The following LMBRD2 variants were observed in gnomAD, a reference collection of about 807,000 sequenced individuals.
The protein encoded by LMBRD2 is G protein-coupled receptor-associated protein LMBRD2.
Under a neutral mutation model 94.4 loss-of-function variants are expected in LMBRD2, and 55 were observed. That is an observed-to-expected ratio of 0.58 (90% confidence interval 0.47 to 0.73). LMBRD2 has a LOEUF of 0.73. Among genes scored for constraint, LMBRD2 ranks in the 30% least tolerant of loss-of-function variants. The pLI, the probability that LMBRD2 is intolerant of heterozygous loss-of-function variation, is 0.00. For synonymous variants in LMBRD2, 246 were observed against 272.4 expected, an observed-to-expected ratio of 0.90 and a Z score of 0.95; for missense variants, 640 against 831.9, an observed-to-expected ratio of 0.77 and a Z score of 2.84.
intron 6 of LMBRD2, among the ~76,000 whole-genome samples, chr5:36,130,914 A>C (rs1282013851): frequency 6.6e-6 from 1 of 152,188 alleles, no homozygotes; most frequent in Admixed American, 6.5e-5. Flanking sequence ...CAAACATTTA[A>C]AGAACTAACA....
At chr5:36,145,184 A>G (rs1392924759) in intron 1 of LMBRD2, among the ~76,000 whole-genome samples, 1 of 152,210 alleles carries the variant, frequency 6.6e-6, no homozygotes, top group African/African-American at 2.4e-5. Context: ...ATTTGTTGAA[A>G]TAATAAAAAA....
rs374319258 is a variant in LMBRD2 at position 36,137,248 on chromosome 5, A to G, written c.536+26T>C. 6.2e-6 allele frequency: 9 copies of G among 1,442,582 alleles called. No individual in the cohort carries two copies. In the African/African-American group the frequency reaches 9.9e-5, roughly 16 times the overall value. The allele number at this position is 1,442,582 out of a possible 1,614,324, so 89.4% of individuals were successfully genotyped here. A position where few individuals can be genotyped will look rare whatever the true frequency, so the allele number is the denominator to read the frequency against. ...TAAAAATGCAAACATACATTAAAGC[A>G]ATGTTAAGAAGACTACTTTTCTTAC... is the stretch of plus-strand genomic sequence containing the variant. On this transcript the variant is annotated intron_variant, in intron 5 of 17. Transcript: ENST00000296603.
At chr5:36,148,299 T>G (rs1361541063) in intron 1 of LMBRD2, among the ~76,000 whole-genome samples, 2 of 150,188 alleles carry the variant, frequency 1.3e-5, no homozygotes, top group African/African-American at 4.9e-5. Flanking sequence ...AAGAGCTGAG[T>G]TGGCGAACCA....
At position 36,120,986 on chromosome 5, in the gene LMBRD2, A is replaced by G. The variant is rs150023300; in HGVS notation, c.1120+1294T>C. Among the ~76,000 whole-genome samples, 60 of 151,066 alleles carry G rather than the reference A, an allele frequency of 4.0e-4. 1 individual carries two copies. The East Asian group carries it at 0.011, about 28-fold the overall frequency. On this transcript the variant is annotated intron_variant, in intron 9 of 17. Coordinates refer to ENST00000296603, the MANE Select transcript of LMBRD2 (RefSeq NM_001007527.2). ...GTCCTCAGACTTTTCTCTTTTCTCT[A>G]TCTCAATTACTTCTTTATTGATTTT...
At position 36,102,699 on chromosome 5, in the gene LMBRD2, G is replaced by A. The variant is rs1019339316; in HGVS notation, c.*1347C>T. The A allele has an allele frequency of 6.6e-6, 1 of 151,622 alleles. No homozygotes were observed. The highest frequency in any genetic ancestry group is 6.6e-5 in the Admixed American group (1 of 15,194). 9.4% of individuals were successfully genotyped at this position (151,622 alleles called of 1,614,324 possible). A position where few individuals can be genotyped will look rare whatever the true frequency, so the allele number is the denominator to read the frequency against. ...ATAAAAATAAAAATTTTAAATTTATGTCTTGGGGAAAGATTAACTTCAAGT... is the reference window on the plus strand; with the variant it reads ...ATAAAAATAAAAATTTTAAATTTATATCTTGGGGAAAGATTAACTTCAAGT... On this transcript the variant is annotated 3_prime_UTR_variant, in exon 18 of 18. Coordinates refer to ENST00000296603, the MANE Select transcript of LMBRD2 (RefSeq NM_001007527.2).
At chr5:36,140,415 C>G (rs553675715) in intron 4 of LMBRD2, among the ~76,000 whole-genome samples, 2 of 152,162 alleles carry the variant, frequency 1.3e-5, no homozygotes, top group Admixed American at 1.3e-4. Flanking sequence ...ATAAGCCCAG[C>G]GGGCCTGAGT....
At position 36,141,181 on chromosome 5, in the gene LMBRD2, T is replaced by C. The variant is rs766091737; in HGVS notation, c.294A>G (p.Pro98=). 2.5e-6 allele frequency: 4 copies of C among 1,609,810 alleles called. No individual in the cohort carries two copies. The African/African-American group carries it at 4.0e-5, about 16-fold the overall frequency. Residue 98 remains proline (P), a synonymous_variant, in exon 4 of 18, where the codon CCA becomes CCG. Coordinates refer to ENST00000296603, the MANE Select transcript of LMBRD2 (RefSeq NM_001007527.2). ...TGATTCCATCAGGAATGTAACTCCA[T>C]GGCTTGAAACAAGGATGCTGGCTGT... is the stretch of plus-strand genomic sequence containing the variant. ...PVPSQHPCFK[P]WSYIPDGIMP... is the part of the protein sequence containing the mutation.
In LMBRD2 at chr5:36,115,080, A is replaced by G; in HGVS notation, c.1477T>C (p.Leu493=). The G allele has an allele frequency of 3.7e-6, 6 of 1,612,304 alleles. No individual in the cohort carries two copies. Among genetic ancestry groups the G allele is most frequent in the Non-Finnish European group, 5.1e-6 (6 of 1,179,052 alleles). ...RLTPPLCLNF[L]GLTHMDSSIS... Reference sequence around the variant, plus strand: ...GATGAATCCATATGGGTCAAACCCAAGAAATTAAGACATAAAGGAGGTGTC... The same window carrying G: ...GATGAATCCATATGGGTCAAACCCAGGAAATTAAGACATAAAGGAGGTGTC... Residue 493 remains leucine, a synonymous_variant, in exon 12 of 18, where the codon TTG becomes CTG. Coordinates refer to ENST00000296603, the MANE Select transcript of LMBRD2 (RefSeq NM_001007527.2).
rs763502496 is a variant in LMBRD2, at chr5:36,141,133, C to G, written c.342G>C (p.Val114=). The G allele has an allele frequency of 5.6e-6, 9 of 1,607,628 alleles. No individual in the cohort carries two copies. Among genetic ancestry groups the G allele is most frequent in the Non-Finnish European group, 7.7e-6 (9 of 1,174,702 alleles). The change falls in exon 4 of 18, where the codon GTG becomes GTC. Residue 114 remains valine (V), a synonymous_variant. Coordinates refer to ENST00000296603, the MANE Select transcript of LMBRD2 (RefSeq NM_001007527.2). The stretch of plus-strand genomic sequence containing the variant: ...ATGTTAAAAATTGTGACGTCCAATA[C>G]ACTACCCTCCAGAAAATTGGCATGA... ...DGIMPIFWRV[V]YWTSQFLTWI...
chr5:36,108,148 T>C (rs1743516236), intron 16 of LMBRD2, among the ~76,000 whole-genome samples: 1 of 152,118 alleles, frequency 6.6e-6, no homozygotes, highest in South Asian at 2.1e-4. Context: ...GGAATATGCC[T>C]AACTTATATG....
Position 36,143,233 on chromosome 5 carries a change from C to T in LMBRD2, c.117G>A (p.Leu39=). ...TAAGAAAGCAGAGATACCAAGCAAG[C>T]AGTGTTCCAATAATCACAAGTCTAT... ...KQHRLVIIGT[L]LAWYLCFLIV... is the part of the protein sequence containing the mutation. Residue 39 remains leucine, a synonymous_variant, in exon 2 of 18, where the codon CTG becomes CTA. Coordinates refer to ENST00000296603, the MANE Select transcript of LMBRD2 (RefSeq NM_001007527.2). The T allele has an allele frequency of 6.2e-7, 1 of 1,612,802 alleles. No homozygotes were observed. The highest frequency in any genetic ancestry group is 1.7e-5 in the Admixed American group (1 of 59,996).
chr5:36,122,262 T>G lies in LMBRD2; in HGVS notation c.1120+18A>C, dbSNP rs764937005. On this transcript the variant is annotated intron_variant, in intron 9 of 17. Coordinates refer to ENST00000296603, the MANE Select transcript of LMBRD2 (RefSeq NM_001007527.2). ...ACTTTTCATCATTAAAGTTTGAAAT[T>G]TATATCAAATTACATACCAAATGTA... 1.1e-4 allele frequency: 171 copies of G among 1,534,322 alleles called. No homozygotes were observed. Among genetic ancestry groups the G allele is most frequent in the Non-Finnish European group, 1.4e-4 (165 of 1,139,356 alleles).
chr5:36,103,863 G>A lies in LMBRD2; in HGVS notation c.*183C>T, dbSNP rs1040484500. The stretch of plus-strand genomic sequence containing the variant: ...ATATGTAATAAATCTTGTTGAAAAA[G>A]GTGATACTCTATTCAATGCACATTA... On this transcript the variant is annotated 3_prime_UTR_variant, in exon 18 of 18. Coordinates refer to ENST00000296603, the MANE Select transcript of LMBRD2 (RefSeq NM_001007527.2). The A allele has an allele frequency of 2.2e-6, 1 of 460,848 alleles. No individual in the cohort carries two copies. The highest frequency in any genetic ancestry group is 4.0e-6 in the Non-Finnish European group (1 of 252,842). 28.5% of individuals were successfully genotyped at this position (460,848 alleles called of 1,614,324 possible). A position where few individuals can be genotyped will look rare whatever the true frequency, so the allele number is the denominator to read the frequency against.
intron 6 of LMBRD2, among the ~76,000 whole-genome samples, chr5:36,129,681 T>C (rs536862121): frequency 1.3e-5 from 2 of 152,280 alleles, no homozygotes; most frequent in South Asian, 4.1e-4. Context: ...ACAAAACTCA[T>C]TGGTTATAGC....
At chr5:36,115,940 T>C (rs1581046074) in intron 11 of LMBRD2, among the ~76,000 whole-genome samples, 1 of 152,346 alleles carries the variant, frequency 6.6e-6, no homozygotes, top group Admixed American at 6.5e-5. Flanking sequence ...ACTTTGGATG[T>C]CAACTCCTCT....
chr5:36,114,430 T>A lies in LMBRD2; in HGVS notation c.1634A>T (p.Tyr545Phe). The A allele has an allele frequency of 6.4e-7, 1 of 1,556,582 alleles. No individual in the cohort carries two copies. Among genetic ancestry groups the A allele is most frequent in the South Asian group, 1.2e-5 (1 of 80,190 alleles). Reference protein sequence around the residue: ...MLVVILCIATYFSLGTRCLNL... With the variant: ...MLVVILCIATFFSLGTRCLNL... ...ACAATGTTAAGTTTCTTACCTAAAA[T>A]AAGTAGCAATGCAGAGAATTACCAC... is the stretch of plus-strand genomic sequence containing the variant. The change falls in exon 13 of 18, where the codon TAT becomes TTT. Residue 545 changes from tyrosine to phenylalanine, a missense_variant. Transcript: ENST00000296603.
At chr5:36,137,563 T>A (rs1021490441) in intron 4 of LMBRD2, 122 bp from the exon 5 acceptor site, 3 of 549,174 alleles carry the variant, frequency 5.5e-6, no homozygotes, top group African/African-American at 1.9e-5. Flanking sequence ...AATAAATGTT[T>A]ATAAGTAATC....
chr5:36,143,387 T>A lies in LMBRD2; in HGVS notation c.-38A>T. Reference sequence around the variant, plus strand: ...CACTCTGACTAACCAAAGTTATTCATGTACAGGTCTGGACCATATCTATAA... The same window carrying A: ...CACTCTGACTAACCAAAGTTATTCAAGTACAGGTCTGGACCATATCTATAA... On this transcript the variant is annotated 5_prime_UTR_variant, in exon 2 of 18. It removes an upstream start codon present in the reference 5' UTR. Coordinates refer to ENST00000296603, the MANE Select transcript of LMBRD2 (RefSeq NM_001007527.2). 6.6e-7 allele frequency: 1 copy of A among 1,522,000 alleles called. No homozygotes were observed. The highest frequency in any genetic ancestry group is 9.1e-7 in the Non-Finnish European group (1 of 1,102,176). 94.3% of individuals were successfully genotyped at this position (1,522,000 alleles called of 1,614,324 possible).
chr5:36,120,736 C>A (rs1484465269), intron 9 of LMBRD2, among the ~76,000 whole-genome samples: 1 of 152,122 alleles, frequency 6.6e-6, no homozygotes, highest in East Asian at 1.9e-4. Context: ...TACAGTCAGA[C>A]TTTTTTATCC....
Sources: allele counts gnomAD v4.1 joint callset (sites outside exome capture counted in the v4.1 genomes callset), GRCh38; gene constraint gnomAD v4.1.1; transcripts MANE v1.5; gene names NCBI Gene and HGNC (gene_info 2026-07-23, HGNC 2026-07-21).